The following AGBL4 variants were observed in gnomAD, a reference collection of about 807,000 sequenced individuals.
AGBL4 encodes AGBL carboxypeptidase 4, also known as cytosolic carboxypeptidase 6.
AGBL4 carries 58 observed loss-of-function variants against 66.4 expected under a neutral mutation model. The observed-to-expected ratio is 0.87, with a 90% CI of 0.71 to 1.09. The LOEUF is 1.09. AGBL4 is among the 50% of genes least tolerant of loss of function. AGBL4 has a pLI of 0.00. For synonymous variants in AGBL4, 234 were observed against 222.9 expected, an observed-to-expected ratio of 1.05 and a Z score of -0.44; for missense variants, 579 against 631.0, an observed-to-expected ratio of 0.92 and a Z score of 0.88.
chr1:48,893,497 C>G (rs921860786), intron 5 of AGBL4, among the ~76,000 whole-genome samples: 2 of 151,536 alleles, frequency 1.3e-5, no homozygotes, highest in African/African-American at 2.4e-5. Context: ...ATGGCTAACA[C>G]AGTGAAACCC....
intron 6 of AGBL4, among the ~76,000 whole-genome samples, chr1:48,683,709 CAAGCA>C (rs1463041316): frequency 6.6e-6 from 1 of 152,180 alleles, no homozygotes; most frequent in African/African-American, 2.4e-5. Context: ...GCTCCATTAA[CAAGCA>C]AAAACATTAA....
At chr1:49,372,340 A>G (rs1447915784) in intron 3 of AGBL4, among the ~76,000 whole-genome samples, 1 of 152,178 alleles carries the variant, frequency 6.6e-6, no homozygotes, top group East Asian at 1.9e-4. Flanking sequence ...TTTTTCATCC[A>G]TGTCAGTTCA....
At chr1:49,127,355 G>C (rs6670645) in intron 4 of AGBL4, among the ~76,000 whole-genome samples, 62,207 of 151,956 alleles carry the variant, frequency 0.41, 16,170 homozygotes, top group Non-Finnish European at 0.58. Context: ...CGGTTGATGG[G>C]TGCACCAAAA....
At chr1:49,628,392 G>A (rs1645505188) in intron 3 of AGBL4, among the ~76,000 whole-genome samples, 1 of 152,110 alleles carries the variant, frequency 6.6e-6, no homozygotes, top group Non-Finnish European at 1.5e-5. Flanking sequence ...GAGCATATAT[G>A]TATGGAATGG....
chr1:49,648,905 AG>A (rs1246230698), intron 3 of AGBL4, among the ~76,000 whole-genome samples: 3 of 152,150 alleles, frequency 2.0e-5, no homozygotes, highest in Admixed American at 6.6e-5. Flanking sequence ...GAACATAAAG[AG>A]CATCAGAGAA....
intron 3 of AGBL4, among the ~76,000 whole-genome samples, chr1:49,479,284 T>G (rs1184946631): frequency 1.3e-5 from 2 of 151,914 alleles, no homozygotes; most frequent in Non-Finnish European, 2.9e-5. Flanking sequence ...CAATGAAATA[T>G]CTAGATTTTT....
At chr1:49,359,151 A>C (rs1425772279) in intron 3 of AGBL4, among the ~76,000 whole-genome samples, 1 of 152,204 alleles carries the variant, frequency 6.6e-6, no homozygotes, top group Non-Finnish European at 1.5e-5. Flanking sequence ...TTTAGCATGT[A>C]TGAGTTAAAT....
the AGBL4 span, among the ~76,000 whole-genome samples, chr1:48,527,609 T>G: frequency 6.8e-6 from 1 of 148,140 alleles, no homozygotes; most frequent in East Asian, 2.0e-4. Context: ...AAAAAAAAAA[T>G]TGATAAACAG....
intron 3 of AGBL4, among the ~76,000 whole-genome samples, chr1:49,410,312 T>G (rs1645291104): frequency 6.6e-6 from 1 of 152,114 alleles, no homozygotes; most frequent in South Asian, 2.1e-4. Flanking sequence ...GACAATATGC[T>G]CCTAACTTTC....
intron 4 of AGBL4, among the ~76,000 whole-genome samples, chr1:49,223,569 T>C (rs905106189): frequency 6.6e-6 from 1 of 152,162 alleles, no homozygotes; most frequent in Admixed American, 6.5e-5. Flanking sequence ...TAGTGCAAAA[T>C]GAAAATGTAG....
intron 3 of AGBL4, among the ~76,000 whole-genome samples, chr1:49,330,271 G>A (rs2148489789): frequency 1.3e-5 from 2 of 152,288 alleles, no homozygotes; most frequent in East Asian, 3.9e-4. Context: ...ACAAAAATTA[G>A]CTGGGCATAG....
chr1:49,166,526 A>G (rs773307752), intron 4 of AGBL4, among the ~76,000 whole-genome samples: 1 of 152,170 alleles, frequency 6.6e-6, no homozygotes, highest in Non-Finnish European at 1.5e-5. Context: ...AGGTATTTAT[A>G]TAATTTATCT....
At chr1:48,827,310 G>C (rs943903656) in intron 6 of AGBL4, among the ~76,000 whole-genome samples, 14 of 152,194 alleles carry the variant, frequency 9.2e-5, no homozygotes, top group Admixed American at 8.5e-4. Flanking sequence ...AATGAAAGAG[G>C]AGTAATAGGG....
intron 5 of AGBL4, among the ~76,000 whole-genome samples, chr1:48,877,776 A>C (rs2148837747): frequency 6.6e-6 from 1 of 152,178 alleles, no homozygotes; most frequent in Admixed American, 6.5e-5. Flanking sequence ...TGTTGTTTGA[A>C]TAAGGATTAG....
chr1:48,541,333 A>C (rs560183141), intron 11 of AGBL4, among the ~76,000 whole-genome samples: 4 of 152,304 alleles, frequency 2.6e-5, no homozygotes, highest in African/African-American at 9.6e-5. Context: ...TGCTAATCAT[A>C]CTGCATTTTA....
chr1:50,004,367 T>C (rs1660980106), intron 1 of AGBL4, among the ~76,000 whole-genome samples: 1 of 152,180 alleles, frequency 6.6e-6, no homozygotes, highest in Admixed American at 6.5e-5. Flanking sequence ...TCTAGGCCAC[T>C]AGGACTGTAA....
intron 2 of AGBL4, among the ~76,000 whole-genome samples, chr1:49,729,022 C>T (rs1191001247): frequency 6.6e-6 from 1 of 152,152 alleles, no homozygotes; most frequent in Non-Finnish European, 1.5e-5. Context: ...TCTCTCCATA[C>T]AGAAAAGTGC....
At chr1:49,140,510 G>A (rs1246268328) in intron 4 of AGBL4, among the ~76,000 whole-genome samples, 1 of 152,202 alleles carries the variant, frequency 6.6e-6, no homozygotes, top group Non-Finnish European at 1.5e-5. Flanking sequence ...CATTGTGCCA[G>A]GACAGGCCAG....
chr1:49,276,826 C>T (rs1318015327), intron 3 of AGBL4, among the ~76,000 whole-genome samples: 1 of 152,166 alleles, frequency 6.6e-6, no homozygotes, highest in Admixed American at 6.5e-5. Context: ...CTGCACCCCA[C>T]TGGGGGTTGG....
Sources: gnomAD v4.1 joint callset for allele counts (sites outside exome capture counted in the v4.1 genomes callset) on GRCh38, gnomAD v4.1.1 for gene constraint, MANE v1.5 for transcripts, NCBI Gene and HGNC (gene_info 2026-07-23, HGNC 2026-07-21) for gene names.